SH3BP1: variants seen among roughly 807,000 people sequenced by gnomAD.
SH3BP1 encodes the protein SH3 domain binding protein 1.
In SH3BP1, 46 loss-of-function variants were observed where a neutral mutation model predicts 69.8. The ratio of observed to expected loss-of-function variants is 0.66; its 90% CI spans 0.52 to 0.84. SH3BP1 has a LOEUF of 0.84. Ranked by LOEUF, SH3BP1 falls within the 40% of genes least tolerant of loss-of-function variation. The pLI is 0.00. For missense variants in SH3BP1, 868 were observed against 930.9 expected, an observed-to-expected ratio of 0.93 and a Z score of 0.88; for synonymous variants, 403 against 378.0, an observed-to-expected ratio of 1.07 and a Z score of -0.77.
At position 37,652,064 on chromosome 22, in the gene SH3BP1, G is replaced by T. The variant is rs1050026970; in HGVS notation, c.1598+1339G>T. Among the ~76,000 whole-genome samples the T allele has an allele frequency of 2.0e-5, 3 of 152,142 alleles. No homozygotes were observed. In the South Asian group the frequency reaches 6.2e-4, roughly 32 times the overall value. On this transcript the variant is annotated intron_variant, in intron 16 of 17. Coordinates refer to ENST00000649765, the MANE Select transcript of SH3BP1 (RefSeq NM_018957.6). ...CACGTGGCCCGGCACGGTGGCTCAC[G>T]CCTGTAATCCCAGCACTTTGGGAGG...
Position 37,645,448 on chromosome 22 carries a change from G to C in SH3BP1, c.862G>C (p.Glu288Gln). 1 of 1,613,970 alleles carries C rather than the reference G, an allele frequency of 6.2e-7. No individual in the cohort carries two copies. Among genetic ancestry groups the C allele is most frequent in the Non-Finnish European group, 8.5e-7 (1 of 1,179,880 alleles). Residue 288 changes from glutamate to glutamine, a missense_variant, in exon 10 of 18, where the codon GAG becomes CAG. This residue lies in a region of SH3BP1 where 387 missense variants were observed against 447.9 expected (regional missense o/e 0.86). Coordinates refer to ENST00000649765, the MANE Select transcript of SH3BP1 (RefSeq NM_018957.6). ...AACCCACCTGCAAGAGCTGGGCCGG[G>C]AGATTGCCCTGCCCATCGAGGCCTG... is the stretch of plus-strand genomic sequence containing the variant. ...LATHLQELGR[E>Q]IALPIEACVM...
Position 37,639,847 on chromosome 22 carries a change from G to A in SH3BP1, c.59+1G>A. 1 of 1,568,454 alleles carries A rather than the reference G, an allele frequency of 6.4e-7. No homozygotes were observed. Among genetic ancestry groups the A allele is most frequent in the South Asian group, 1.2e-5 (1 of 85,376 alleles). ...TGGCCCAGACGGGCAGCTTGGGACG[G>A]TGAGTGTCACCCGCTTCCAGCCCCA... On this transcript the variant is annotated splice_donor_variant, in intron 1 of 17. Transcript: ENST00000649765. LOFTEE classifies it high-confidence loss of function.
intron 14 of SH3BP1, 40 bp downstream of exon 14, chr22:37,648,475 C>G: frequency 7.6e-7 from 1 of 1,324,014 alleles, no homozygotes; most frequent in Non-Finnish European, 1.1e-6. Context: ...AGGAGGAAGG[C>G]AGATCCCATC....
Position 37,647,286 on chromosome 22 carries a change from G to A in SH3BP1, c.1056G>A (p.Leu352=), listed in dbSNP as rs776113885. Residue 352 remains leucine, a synonymous_variant, in exon 12 of 18, where the codon CTG becomes CTA. Transcript: ENST00000649765. ...HAVAGALKSY[L]RELPEPLMTF... ...CTTCAGGTGCCCTCAAGTCCTATCT[G>A]CGGGAGCTGCCAGAGCCTCTGATGA... 6 of 1,614,028 alleles carry A rather than the reference G, an allele frequency of 3.7e-6. No homozygotes were observed. The South Asian group carries it at 6.6e-5, about 18-fold the overall frequency.
At chr22:37,643,287 AGTGTG>A in intron 6 of SH3BP1, 113 bp downstream of exon 6, 7 of 952,708 alleles carry the variant, frequency 7.3e-6, no homozygotes, top group African/African-American at 1.6e-5. Context: ...TGCTGAGTAC[AGTGTG>A]TGTACTTGTG....
intron 8 of SH3BP1, 43 bp from the exon 9 acceptor site, chr22:37,644,827 A>C: frequency 6.2e-7 from 1 of 1,610,348 alleles, no homozygotes; most frequent in Non-Finnish European, 8.5e-7. Context: ...TAGAAGGCTC[A>C]GCTTCCCCCA....
In SH3BP1 at chr22:37,644,632, C is replaced by A; in HGVS notation, c.619-5C>A. ...AACGTAAGCTCTCCCCTCTCTGTCC[C>A]CAAGGACGAGTACTTGGCTGACCTG... is the stretch of plus-strand genomic sequence containing the variant. On this transcript the variant is annotated splice_region_variant and splice_polypyrimidine_tract_variant and intron_variant, in intron 7 of 17. Transcript: ENST00000649765. The A allele has an allele frequency of 6.2e-7, 1 of 1,614,116 alleles. No homozygotes were observed. The highest frequency in any genetic ancestry group is 1.1e-5 in the South Asian group (1 of 91,084).
chr22:37,645,673 G>A (rs1030282073), intron 10 of SH3BP1, among the ~76,000 whole-genome samples, 163 bp downstream of exon 10: 3 of 152,168 alleles, frequency 2.0e-5, no homozygotes, highest in Non-Finnish European at 2.9e-5. Context: ...TACCTCCCCC[G>A]TGTCAATGCT....
intron 10 of SH3BP1, among the ~76,000 whole-genome samples, chr22:37,646,603 C>T (rs904176730): frequency 2.6e-5 from 4 of 152,158 alleles, no homozygotes; most frequent in Non-Finnish European, 4.4e-5. Context: ...TGATTTTTCC[C>T]GCCTCCTCCC....
At position 37,647,299 on chromosome 22, in the gene SH3BP1, G is replaced by C; in HGVS notation, c.1069G>C (p.Glu357Gln). 1 of 1,614,084 alleles carries C rather than the reference G, an allele frequency of 6.2e-7. No individual in the cohort carries two copies. The highest frequency in any genetic ancestry group is 8.5e-7 in the Non-Finnish European group (1 of 1,179,988). ...ALKSYLRELP[E>Q]PLMTFDLYDD... is the part of the protein sequence containing the mutation. ...CAAGTCCTATCTGCGGGAGCTGCCA[G>C]AGCCTCTGATGACCTTCGACCTCTA... is the stretch of plus-strand genomic sequence containing the variant. Residue 357 changes from glutamate (E) to glutamine (Q), a missense_variant, in exon 12 of 18, where the codon GAG becomes CAG. This residue lies in a region of SH3BP1 where 7 missense variants were observed against 20.7 expected (regional missense o/e 0.34). Coordinates refer to ENST00000649765, the MANE Select transcript of SH3BP1 (RefSeq NM_018957.6).
At chr22:37,653,099 C>T (rs557914835) in intron 16 of SH3BP1, among the ~76,000 whole-genome samples, 2 of 150,718 alleles carry the variant, frequency 1.3e-5, no homozygotes, top group African/African-American at 2.4e-5. Context: ...ATCATGCCAT[C>T]GCACTCCAGC....
intron 3 of SH3BP1, 40 bp downstream of exon 3, chr22:37,641,518 G>T (rs1266258490): frequency 4.0e-6 from 6 of 1,492,786 alleles, no homozygotes; most frequent in South Asian, 1.3e-5. Context: ...CTGAGCAGGA[G>T]ACTTCCATCC....
At chr22:37,643,211 G>A in intron 6 of SH3BP1, 37 bp downstream of exon 6, 2 of 1,558,962 alleles carry the variant, frequency 1.3e-6, no homozygotes, top group Non-Finnish European at 1.8e-6. Context: ...TCATATCTGG[G>A]TCAGCCCACA....
chr22:37,643,590 G>C, intron 6 of SH3BP1, 54 bp from the exon 7 acceptor site: 1 of 1,611,858 alleles, frequency 6.2e-7, no homozygotes, highest in Non-Finnish European at 8.5e-7. Context: ...GGGGACACTT[G>C]GCTCTGGACA....
intron 9 of SH3BP1, 77 bp downstream of exon 9, chr22:37,645,037 C>T: frequency 7.6e-7 from 1 of 1,314,878 alleles, no homozygotes; most frequent in Non-Finnish European, 1.1e-6. Flanking sequence ...CGCACTTCAT[C>T]CTGAAAGGTA....
At chr22:37,653,707 G>A in intron 16 of SH3BP1, 72 bp from the exon 17 acceptor site, 1 of 1,046,488 alleles carries the variant, frequency 9.6e-7, no homozygotes, top group Non-Finnish European at 1.5e-6. Flanking sequence ...CTGGCAGCTG[G>A]AGACTCCTCA....
Position 37,645,446 on chromosome 22 carries a change from G to T in SH3BP1, c.860G>T (p.Arg287Leu), listed in dbSNP as rs538357864. 9.9e-6 allele frequency: 16 copies of T among 1,613,954 alleles called. No individual in the cohort carries two copies. In the South Asian group the frequency reaches 1.6e-4, roughly 17 times the overall value. ...GCAACCCACCTGCAAGAGCTGGGCCGGGAGATTGCCCTGCCCATCGAGGCC... is the reference window on the plus strand; with the variant it reads ...GCAACCCACCTGCAAGAGCTGGGCCTGGAGATTGCCCTGCCCATCGAGGCC... ...SLATHLQELG[R>L]EIALPIEACV... Residue 287 changes from arginine (R) to leucine (L), a missense_variant, in exon 10 of 18, where the codon CGG (arginine) becomes CTG (leucine). This residue lies in a region of SH3BP1 where 387 missense variants were observed against 447.9 expected (regional missense o/e 0.86). Transcript: ENST00000649765.
At chr22:37,641,244 G>A (rs1441790809) in intron 2 of SH3BP1, 76 bp downstream of exon 2, 22 of 1,516,834 alleles carry the variant, frequency 1.5e-5, no homozygotes, top group South Asian at 6.0e-5. Context: ...GGGCGGGGAC[G>A]CCAGGTAGGG....
chr22:37,646,390 G>A (rs1014414928), intron 10 of SH3BP1, among the ~76,000 whole-genome samples: 1 of 151,858 alleles, frequency 6.6e-6, no homozygotes, highest in Non-Finnish European at 1.5e-5. Context: ...CAAGTAGCTG[G>A]GATTACAGAT....
Sources: allele counts gnomAD v4.1 joint callset (sites outside exome capture counted in the v4.1 genomes callset), GRCh38; gene constraint gnomAD v4.1.1; regional missense constraint gnomAD v4.1.1; transcripts MANE v1.5; gene names NCBI Gene and HGNC (gene_info 2026-07-23, HGNC 2026-07-21).